MDGA2: variants seen among roughly 807,000 people sequenced by gnomAD.
The protein encoded by MDGA2 is MAM domain-containing glycosylphosphatidylinositol anchor protein 2.
In MDGA2, 40 loss-of-function variants were observed where a neutral mutation model predicts 117.8. That is an observed-to-expected ratio of 0.34 (90% CI 0.26 to 0.44). MDGA2 has a LOEUF of 0.44. Among genes scored for constraint, MDGA2 ranks in the 20% least tolerant of loss-of-function variants. MDGA2 has a pLI of 1.00. For synonymous variants in MDGA2, 452 were observed against 439.0 expected (o/e 1.03, Z -0.37); for missense variants, 1,123 against 1,250.6 (o/e 0.90, Z 1.54).
At chr14:47,047,726 T>A (rs947954825) in intron 7 of MDGA2, among the ~76,000 whole-genome samples, 2 of 152,028 alleles carry the variant, frequency 1.3e-5, no homozygotes, top group African/African-American at 4.8e-5. Flanking sequence ...TACATTTCTA[T>A]ATAGATTTTG....
intron 7 of MDGA2, chr14:47,059,390 C>G (rs1469602569): frequency 9.2e-7 from 1 of 1,086,212 alleles, no homozygotes; most frequent in Non-Finnish European, 1.2e-6. Flanking sequence ...CCTTGGGTAG[C>G]CAGGCAAATT....
chr14:47,446,805 G>C (rs1251175072), intron 1 of MDGA2, among the ~76,000 whole-genome samples: 1 of 151,998 alleles, frequency 6.6e-6, no homozygotes. Context: ...ACAGGGTGGG[G>C]GAGATCAGAG....
chr14:47,429,685 T>A (rs576326996), intron 1 of MDGA2, among the ~76,000 whole-genome samples: 1 of 152,116 alleles, frequency 6.6e-6, no homozygotes, highest in Non-Finnish European at 1.5e-5. Context: ...ATGTGATGTA[T>A]ATTTATTCAT....
intron 1 of MDGA2, among the ~76,000 whole-genome samples, chr14:47,580,176 G>T (rs1896203367): frequency 6.6e-6 from 1 of 151,892 alleles, no homozygotes; most frequent in Non-Finnish European, 1.5e-5. Flanking sequence ...AAATATCTTA[G>T]ACTGGGTAAT....
Position 46,882,108 on chromosome 14 carries a change from G to A in MDGA2, c.2352C>T (p.Val784=), listed in dbSNP as rs1232179160. 2 of 1,611,792 alleles carry A rather than the reference G, an allele frequency of 1.2e-6. No individual in the cohort carries two copies. Among genetic ancestry groups the A allele is most frequent in the South Asian group, 1.1e-5 (1 of 90,928 alleles). ...TELIKPEAYE[V]RLTPLTKFGE... is the part of the protein sequence containing the mutation. ...CAAATTTGGTGAGAGGAGTCAGTCG[G>A]ACTTCATAAGCTTCTGGTTTAATTA... Residue 784 remains valine, a synonymous_variant, in exon 11 of 17, where the codon GTC becomes GTT. Coordinates refer to ENST00000399232, the MANE Select transcript of MDGA2 (RefSeq NM_001113498.3).
chr14:47,588,233 GATAGATAT>G (rs1346511239), intron 1 of MDGA2, among the ~76,000 whole-genome samples: 2 of 83,676 alleles, frequency 2.4e-5, no homozygotes, highest in Admixed American at 1.5e-4. Flanking sequence ...CTTGGAGATA[GATAGATAT>G]ATATATATAT....
chr14:47,071,544 C>T (rs1337536785), intron 6 of MDGA2, among the ~76,000 whole-genome samples: 1 of 151,658 alleles, frequency 6.6e-6, no homozygotes, highest in Non-Finnish European at 1.5e-5. Context: ...ACTATAGTGT[C>T]TGTGGGTTTT....
chr14:47,486,172 C>T (rs762842459), intron 1 of MDGA2, among the ~76,000 whole-genome samples: 12 of 152,202 alleles, frequency 7.9e-5, no homozygotes, highest in Non-Finnish European at 1.0e-4. Flanking sequence ...AGGGGCAGAG[C>T]TGACCAAGAC....
intron 15 of MDGA2, among the ~76,000 whole-genome samples, chr14:46,847,156 G>A (rs1285886104): frequency 6.6e-6 from 1 of 151,896 alleles, no homozygotes; most frequent in Non-Finnish European, 1.5e-5. Context: ...AGTAACCAGA[G>A]GCATCAGTTG....
chr14:47,578,298 T>G (rs1165505280), intron 1 of MDGA2, among the ~76,000 whole-genome samples: 1 of 152,026 alleles, frequency 6.6e-6, no homozygotes, highest in Non-Finnish European at 1.5e-5. Flanking sequence ...AAATAGCTAA[T>G]GCATGTGGGG....
At chr14:46,990,113 C>T (rs1887028417) in intron 8 of MDGA2, among the ~76,000 whole-genome samples, 1 of 152,054 alleles carries the variant, frequency 6.6e-6, no homozygotes, top group African/African-American at 2.4e-5. Flanking sequence ...AATGTGTTAA[C>T]TTCATTTCCC....
chr14:47,440,448 C>T (rs1892984175), intron 1 of MDGA2, among the ~76,000 whole-genome samples: 1 of 152,082 alleles, frequency 6.6e-6, no homozygotes, highest in South Asian at 2.1e-4. Flanking sequence ...CTCATGAAAC[C>T]TTGTCTTAGC....
At position 47,104,594 on chromosome 14, in the gene MDGA2, A is replaced by G. The variant is rs1880537476; in HGVS notation, c.926-7471T>C. On this transcript the variant is annotated intron_variant, in intron 5 of 16. Coordinates refer to ENST00000399232, the MANE Select transcript of MDGA2 (RefSeq NM_001113498.3). ...CTTCGCTGACTCTCTTTTCGGACTC[A>G]GCCTGCCTGCACCCAGGTGAAATAA... is the stretch of plus-strand genomic sequence containing the variant. Among the ~76,000 whole-genome samples the G allele has an allele frequency of 6.0e-5, 9 of 150,890 alleles. No homozygotes were observed. In the South Asian group the frequency reaches 1.7e-3, roughly 28 times the overall value.
intron 3 of MDGA2, among the ~76,000 whole-genome samples, chr14:47,186,710 C>CTA (rs1356478486): frequency 1.3e-5 from 2 of 151,932 alleles, no homozygotes; most frequent in Admixed American, 1.3e-4. Flanking sequence ...GTGCCTTAAA[C>CTA]ACCAGTTGAC....
intron 8 of MDGA2, among the ~76,000 whole-genome samples, chr14:47,001,900 G>T (rs995755182): frequency 6.6e-6 from 1 of 152,062 alleles, no homozygotes; most frequent in African/African-American, 2.4e-5. Context: ...GAGTGGGGAG[G>T]GAGAGGGAGA....
chr14:46,992,785 T>G (rs550166657), intron 8 of MDGA2, among the ~76,000 whole-genome samples: 1 of 152,126 alleles, frequency 6.6e-6, no homozygotes, highest in Non-Finnish European at 1.5e-5. Flanking sequence ...GAAATTAAAT[T>G]TTGAGCTCAG....
intron 2 of MDGA2, among the ~76,000 whole-genome samples, chr14:47,243,545 G>GAGACCACGAGCCCACCA (rs1887138813): frequency 6.6e-6 from 1 of 151,322 alleles, no homozygotes; most frequent in Non-Finnish European, 1.5e-5. Flanking sequence ...TGAGCCCAGC[G>GAGACCACGAGCCCACCA]AGACCACGAG....
Position 47,467,320 on chromosome 14 carries a change from C to G in MDGA2, c.281-165770G>C, listed in dbSNP as rs142692845. Among the ~76,000 whole-genome samples the G allele has an allele frequency of 1.0e-3, 154 of 152,168 alleles. 1 individual carries two copies. Among genetic ancestry groups the G allele is most frequent in the South Asian group, 6.6e-3 (32 of 4,820 alleles). On this transcript the variant is annotated intron_variant, in intron 1 of 16. Coordinates refer to ENST00000399232, the MANE Select transcript of MDGA2 (RefSeq NM_001113498.3). ...TGAGATTGCTATGCTAGAATGCAAA[C>G]TGCATGTGCTGCAGGAATGAAAAAA...
chr14:47,180,015 ATTC>A (rs72070615), intron 3 of MDGA2, among the ~76,000 whole-genome samples: 44,374 of 151,254 alleles, frequency 0.29, 6,945 homozygotes, highest in South Asian at 0.43. Context: ...TTCTTATTCT[ATTC>A]TTTAACTTTT....
Sources: gnomAD v4.1 joint callset for allele counts (sites outside exome capture counted in the v4.1 genomes callset) on GRCh38, gnomAD v4.1.1 for gene constraint, MANE v1.5 for transcripts, NCBI Gene and HGNC (gene_info 2026-07-23, HGNC 2026-07-21) for gene names.